The following FPR3 variants were observed in gnomAD, a reference collection of about 807,000 sequenced individuals.
FPR3 encodes formyl peptide receptor 3, also known as N-formyl peptide receptor 3.
For synonymous variants in FPR3, 135 were observed against 163.6 expected (o/e 0.83, Z 1.34); for missense variants, 346 against 443.2 (o/e 0.78, Z 1.97).
At chr19:51,811,984 A>G (rs1249371827) in intron 1 of FPR3, among the ~76,000 whole-genome samples, 3 of 152,220 alleles carry the variant, frequency 2.0e-5, no homozygotes, top group African/African-American at 7.2e-5. Flanking sequence ...TGTCTTGAGA[A>G]GGCAACTACA....
chr19:51,800,513 T>C (rs1350504420), intron 1 of FPR3, among the ~76,000 whole-genome samples: 1 of 152,168 alleles, frequency 6.6e-6, no homozygotes, highest in Non-Finnish European at 1.5e-5. Flanking sequence ...AAAATGTTGA[T>C]AACATGTTCC....
intron 1 of FPR3, among the ~76,000 whole-genome samples, chr19:51,798,960 C>CA (rs980346634): frequency 7.2e-5 from 11 of 152,120 alleles, no homozygotes; most frequent in African/African-American, 1.9e-4. Flanking sequence ...ACTAAAAATA[C>CA]AAAAAATTAG....
At chr19:51,822,918 A>AGT (rs1199698980) in intron 1 of FPR3, among the ~76,000 whole-genome samples, 1 of 152,134 alleles carries the variant, frequency 6.6e-6, no homozygotes, top group Non-Finnish European at 1.5e-5. Context: ...ACTGAAGTGC[A>AGT]GTGGCACGAT....
At chr19:51,814,089 T>C (rs2084116836) in intron 1 of FPR3, among the ~76,000 whole-genome samples, 1 of 152,222 alleles carries the variant, frequency 6.6e-6, no homozygotes, top group African/African-American at 2.4e-5. Context: ...AAATTCCTTC[T>C]TGGTTTATGT....
At chr19:51,806,152 G>A (rs1281627010) in intron 1 of FPR3, among the ~76,000 whole-genome samples, 1 of 152,052 alleles carries the variant, frequency 6.6e-6, no homozygotes, top group Non-Finnish European at 1.5e-5. Flanking sequence ...GACTCCAGTC[G>A]GCCTTCTCTC....
chr19:51,801,444 T>G (rs970523957), intron 1 of FPR3, among the ~76,000 whole-genome samples: 29 of 152,228 alleles, frequency 1.9e-4, no homozygotes, highest in African/African-American at 6.5e-4. Flanking sequence ...AAAAGGACAC[T>G]GATTGGCTTT....
intron 1 of FPR3, among the ~76,000 whole-genome samples, chr19:51,810,383 T>G (rs959828806): frequency 5.3e-5 from 8 of 152,210 alleles, no homozygotes; most frequent in Non-Finnish European, 1.2e-4. Flanking sequence ...CACTGCCTCT[T>G]GTGATCTTGT....
At chr19:51,802,407 C>T (rs1414680300) in intron 1 of FPR3, among the ~76,000 whole-genome samples, 1 of 152,044 alleles carries the variant, frequency 6.6e-6, no homozygotes, top group Non-Finnish European at 1.5e-5. Context: ...CATGCCAGTC[C>T]CAGCTTTATC....
intron 1 of FPR3, 81 bp from the exon 2 acceptor site, chr19:51,823,658 G>A: frequency 9.3e-7 from 1 of 1,072,210 alleles, no homozygotes. Context: ...GTAGGAGGAG[G>A]AGCTACAGTG....
intron 1 of FPR3, among the ~76,000 whole-genome samples, chr19:51,815,806 G>A (rs546214992): frequency 6.6e-6 from 1 of 150,864 alleles, no homozygotes; most frequent in South Asian, 2.1e-4. Context: ...AGGTTACAGT[G>A]AGCAGCGATC....
chr19:51,821,888 T>C (rs1262413483), intron 1 of FPR3, among the ~76,000 whole-genome samples: 3 of 152,216 alleles, frequency 2.0e-5, no homozygotes, highest in Admixed American at 2.0e-4. Flanking sequence ...GAACAAGTGC[T>C]GTATAATTGC....
At chr19:51,813,623 C>T (rs191618333) in intron 1 of FPR3, among the ~76,000 whole-genome samples, 148 of 151,954 alleles carry the variant, frequency 9.7e-4, no homozygotes, top group African/African-American at 3.4e-3. Context: ...CTCCACCTCC[C>T]GGGTTCACGC....
chr19:51,811,277 A>G (rs997872493), intron 1 of FPR3, among the ~76,000 whole-genome samples: 6 of 152,272 alleles, frequency 3.9e-5, no homozygotes, highest in Admixed American at 1.3e-4. Flanking sequence ...GTTATGTGTA[A>G]TAACCTCCTG....
intron 1 of FPR3, among the ~76,000 whole-genome samples, chr19:51,822,399 G>A (rs186170923): frequency 2.0e-5 from 3 of 152,312 alleles, no homozygotes; most frequent in East Asian, 3.9e-4. Context: ...ACAAAATTGC[G>A]ATTTGATTTG....
At chr19:51,822,961 C>G (rs1416994825) in intron 1 of FPR3, among the ~76,000 whole-genome samples, 1 of 152,106 alleles carries the variant, frequency 6.6e-6, no homozygotes, top group East Asian at 1.9e-4. Flanking sequence ...CTCCCAGGTT[C>G]AAGCAATTCT....
intron 1 of FPR3, among the ~76,000 whole-genome samples, chr19:51,808,259 C>T (rs974352221): frequency 4.6e-5 from 7 of 152,180 alleles, no homozygotes; most frequent in Non-Finnish European, 7.3e-5. Flanking sequence ...AAGTCTATAA[C>T]CTGTCTTTAT....
intron 1 of FPR3, among the ~76,000 whole-genome samples, chr19:51,818,284 G>A (rs2084158715): frequency 1.3e-5 from 2 of 152,038 alleles, no homozygotes; most frequent in Non-Finnish European, 2.9e-5. Context: ...TGATATATAG[G>A]ATTCAAGAAA....
intron 1 of FPR3, among the ~76,000 whole-genome samples, chr19:51,795,749 G>A (rs910001498): frequency 3.3e-5 from 5 of 151,802 alleles, no homozygotes; most frequent in African/African-American, 7.3e-5. Context: ...TCCTGACCTC[G>A]TGATCTGCCC....
intron 1 of FPR3, among the ~76,000 whole-genome samples, chr19:51,820,962 A>G (rs2084183778): frequency 6.6e-6 from 1 of 152,222 alleles, no homozygotes; most frequent in Non-Finnish European, 1.5e-5. Context: ...TTGGCATGTG[A>G]GTAATGTTCA....
Sources: allele counts gnomAD v4.1 joint callset (sites outside exome capture counted in the v4.1 genomes callset), GRCh38; gene constraint gnomAD v4.1.1; transcripts MANE v1.5; gene names NCBI Gene and HGNC (gene_info 2026-07-23, HGNC 2026-07-21).